The following JMJD1C variants were observed in gnomAD, a reference collection of about 807,000 sequenced individuals.
JMJD1C encodes the protein jumonji domain containing 1C.
In JMJD1C, 31 loss-of-function variants were observed where a neutral mutation model predicts 245.3. The observed-to-expected ratio is 0.13, with a 90% CI of 0.09 to 0.17. The LOEUF is 0.17. JMJD1C is among the 10% of genes least tolerant of loss of function. The pLI is 1.00. For missense variants in JMJD1C, 2,691 were observed against 3,000.2 expected, an observed-to-expected ratio of 0.90 and a Z score of 2.41; for synonymous variants, 1,057 against 1,017.4, an observed-to-expected ratio of 1.04 and a Z score of -0.74.
At chr10:63,476,006 T>C (rs895929328) in intron 1 of JMJD1C, among the ~76,000 whole-genome samples, 1 of 151,788 alleles carries the variant, frequency 6.6e-6, no homozygotes, top group African/African-American at 2.4e-5. Context: ...GTCAGGAATT[T>C]GAGACCAGCC....
intron 1 of JMJD1C, among the ~76,000 whole-genome samples, chr10:63,403,385 T>A (rs1342115362): frequency 6.6e-6 from 1 of 152,220 alleles, no homozygotes; most frequent in Non-Finnish European, 1.5e-5. Flanking sequence ...GGTCTTCACA[T>A]CAGATGATCA....
At chr10:63,193,232 G>T in intron 15 of JMJD1C, 81 bp from the exon 16 acceptor site, 1 of 1,476,704 alleles carries the variant, frequency 6.8e-7, no homozygotes, top group Non-Finnish European at 9.3e-7. Flanking sequence ...AATTTACACA[G>T]AAACACAGCA....
intron 3 of JMJD1C, among the ~76,000 whole-genome samples, chr10:63,247,104 A>C (rs1322377264): frequency 3.7e-5 from 5 of 134,362 alleles, no homozygotes; most frequent in Non-Finnish European, 6.7e-5. Context: ...AACTGAGACA[A>C]AAAAAACAAA....
At chr10:63,209,950 A>G (rs529168749) in intron 8 of JMJD1C, among the ~76,000 whole-genome samples, 1 of 152,302 alleles carries the variant, frequency 6.6e-6, no homozygotes, top group African/African-American at 2.4e-5. Context: ...CTTCCAGAAC[A>G]TGTTTTATGA....
chr10:63,309,893 G>A (rs1021972821), intron 2 of JMJD1C, among the ~76,000 whole-genome samples: 3 of 152,086 alleles, frequency 2.0e-5, no homozygotes, highest in Admixed American at 6.5e-5. Flanking sequence ...CTCCAGCCTG[G>A]GCGACAGAAC....
intron 1 of JMJD1C, among the ~76,000 whole-genome samples, chr10:63,518,294 C>T (rs1017144494): frequency 6.6e-6 from 1 of 152,180 alleles, no homozygotes; most frequent in South Asian, 2.1e-4. Flanking sequence ...ATTCAATGTG[C>T]CCCTTGCATA....
At chr10:63,387,087 G>GA (rs1406835895) in intron 1 of JMJD1C, among the ~76,000 whole-genome samples, 1 of 151,598 alleles carries the variant, frequency 6.6e-6, no homozygotes, top group Non-Finnish European at 1.5e-5. Flanking sequence ...AAATCACATG[G>GA]AGTCTACACC....
At chr10:63,485,751 T>C (rs1336650791) in intron 1 of JMJD1C, among the ~76,000 whole-genome samples, 1 of 152,196 alleles carries the variant, frequency 6.6e-6, no homozygotes, top group Admixed American at 6.5e-5. Flanking sequence ...ATGAATGAAC[T>C]AATATTTTCC....
At chr10:63,521,597 C>G in intron 1 of JMJD1C, 1 of 1,402,642 alleles carries the variant, frequency 7.1e-7, no homozygotes, top group Non-Finnish European at 9.4e-7. Flanking sequence ...TCTCACTGCG[C>G]CCTGCAGCCG....
intron 2 of JMJD1C, among the ~76,000 whole-genome samples, chr10:63,273,794 A>C (rs150121650): frequency 3.3e-5 from 5 of 152,170 alleles, no homozygotes; most frequent in Non-Finnish European, 7.3e-5. Flanking sequence ...TACAAGCTGA[A>C]TGTATCAACA....
chr10:63,200,174 A>T (rs769781492), intron 11 of JMJD1C, among the ~76,000 whole-genome samples: 10 of 152,202 alleles, frequency 6.6e-5, no homozygotes, highest in Non-Finnish European at 8.8e-5. Flanking sequence ...GGTAATATTC[A>T]TATTAAGTTA....
chr10:63,221,443 T>A (rs74791455), intron 3 of JMJD1C, among the ~76,000 whole-genome samples: 1,901 of 152,326 alleles, frequency 0.012, 42 homozygotes, highest in African/African-American at 0.044. Context: ...AAATTAATTA[T>A]GTTCCTTGGA....
At chr10:63,241,931 CAAG>C (rs1386158776) in intron 3 of JMJD1C, among the ~76,000 whole-genome samples, 1 of 151,994 alleles carries the variant, frequency 6.6e-6, no homozygotes, top group Non-Finnish European at 1.5e-5. Context: ...ATCTCTAAGA[CAAG>C]AGGAAAGCAG....
At chr10:63,194,500 G>GAAAAAA in intron 13 of JMJD1C, 125 bp from the exon 14 acceptor site, 2 of 584,490 alleles carry the variant, frequency 3.4e-6, no homozygotes, top group Non-Finnish European at 3.0e-6. Context: ...AAGAGAAAAA[G>GAAAAAA]AAAAAAATAA....
chr10:63,270,079 T>C (rs1341916477), intron 2 of JMJD1C, among the ~76,000 whole-genome samples: 2 of 152,346 alleles, frequency 1.3e-5, no homozygotes, highest in East Asian at 3.9e-4. Flanking sequence ...AATACACCTA[T>C]GTTAAAATTT....
At chr10:63,353,153 A>G (rs1173258524) in intron 2 of JMJD1C, among the ~76,000 whole-genome samples, 1 of 152,218 alleles carries the variant, frequency 6.6e-6, no homozygotes, top group Non-Finnish European at 1.5e-5. Context: ...CCTTTCATGA[A>G]GACATAAAGT....
intron 1 of JMJD1C, among the ~76,000 whole-genome samples, chr10:63,518,729 C>T (rs1475167621): frequency 6.6e-6 from 1 of 152,206 alleles, no homozygotes; most frequent in African/African-American, 2.4e-5. Context: ...GACATGGGGA[C>T]ACTTTGTTCA....
intron 23 of JMJD1C, chr10:63,177,237 A>T (rs1842944508): frequency 6.3e-6 from 1 of 158,780 alleles, no homozygotes. Context: ...AACTACAGTC[A>T]AGGTATGATT....
intron 1 of JMJD1C, among the ~76,000 whole-genome samples, chr10:63,424,229 T>C (rs79209607): frequency 4.0e-4 from 9 of 22,242 alleles, no homozygotes; most frequent in African/African-American, 6.1e-4. Flanking sequence ...CATACCCAGC[T>C]TTTTTTTTTT....
Sources: allele counts gnomAD v4.1 joint callset (sites outside exome capture counted in the v4.1 genomes callset), GRCh38; gene constraint gnomAD v4.1.1; transcripts MANE v1.5; gene names NCBI Gene and HGNC (gene_info 2026-07-23, HGNC 2026-07-21).